The following GPC5 variants were observed in gnomAD, a reference collection of about 807,000 sequenced individuals.
The protein encoded by GPC5 is glypican 5, also known as glypican-5.
Under a neutral mutation model 53.9 loss-of-function variants are expected in GPC5, and 47 were observed. The observed-to-expected ratio is 0.87, with a 90% CI of 0.69 to 1.11. The LOEUF (loss-of-function observed/expected upper bound fraction) is 1.11, where lower values mean the gene tolerates loss of function less well. Ranked by LOEUF, GPC5 falls within the 50% of genes most tolerant of loss-of-function variation. The pLI is 0.00. For missense variants in GPC5, 748 were observed against 713.1 expected, an observed-to-expected ratio of 1.05 and a Z score of -0.56; for synonymous variants, 286 against 263.3, an observed-to-expected ratio of 1.09 and a Z score of -0.84.
intron 7 of GPC5, among the ~76,000 whole-genome samples, chr13:92,458,877 G>A (rs1296258683): frequency 1.3e-5 from 2 of 152,132 alleles, no homozygotes; most frequent in Non-Finnish European, 2.9e-5. Context: ...TCTACTGGGA[G>A]CTTTCTAAAC....
intron 7 of GPC5, among the ~76,000 whole-genome samples, chr13:92,170,089 C>T (rs985676999): frequency 6.6e-6 from 1 of 151,802 alleles, no homozygotes; most frequent in African/African-American, 2.4e-5. Flanking sequence ...ATATCAGTGG[C>T]ATGCTAAATT....
chr13:92,286,106 C>T (rs139364348), intron 7 of GPC5, among the ~76,000 whole-genome samples: 5 of 152,076 alleles, frequency 3.3e-5, no homozygotes, highest in African/African-American at 9.7e-5. Context: ...AAAAGAAGAC[C>T]TTTATGCAGC....
chr13:92,682,397 A>G (rs1887138538), intron 7 of GPC5, among the ~76,000 whole-genome samples: 2 of 152,310 alleles, frequency 1.3e-5, no homozygotes, highest in African/African-American at 4.8e-5. Context: ...CTATTTCTTC[A>G]TAAGTGGTTA....
intron 7 of GPC5, among the ~76,000 whole-genome samples, chr13:92,632,729 C>T (rs1410812715): frequency 3.3e-5 from 5 of 151,858 alleles, no homozygotes; most frequent in African/African-American, 4.8e-5. Context: ...CTGAGACTGG[C>T]CAATTTACAA....
At chr13:92,055,087 C>G (rs942781828) in intron 6 of GPC5, among the ~76,000 whole-genome samples, 1 of 152,118 alleles carries the variant, frequency 6.6e-6, no homozygotes, top group African/African-American at 2.4e-5. Context: ...ATACTTACAT[C>G]CTTCCTGACA....
intron 2 of GPC5, among the ~76,000 whole-genome samples, chr13:91,478,973 C>T (rs1475845159): frequency 6.8e-6 from 1 of 146,886 alleles, no homozygotes; most frequent in African/African-American, 2.5e-5. Context: ...GAGTGCAGTG[C>T]ACCATCTTGG....
chr13:92,755,137 C>T (rs1342811695), intron 7 of GPC5, among the ~76,000 whole-genome samples: 1 of 145,968 alleles, frequency 6.9e-6, no homozygotes, highest in Non-Finnish European at 1.5e-5. Context: ...ATCTCTCAGA[C>T]CACAGTGCAA....
At chr13:91,935,551 AT>A (rs529359215) in intron 6 of GPC5, among the ~76,000 whole-genome samples, 1 of 151,834 alleles carries the variant, frequency 6.6e-6, no homozygotes, top group East Asian at 1.9e-4. Flanking sequence ...AAGAAATGAT[AT>A]TTTTTGTGGT....
intron 6 of GPC5, among the ~76,000 whole-genome samples, chr13:91,924,128 A>G (rs940014352): frequency 6.6e-6 from 1 of 152,202 alleles, no homozygotes; most frequent in African/African-American, 2.4e-5. Flanking sequence ...AAAATATTTG[A>G]TGTGCACTCT....
At chr13:91,602,189 C>A (rs1000638636) in intron 2 of GPC5, among the ~76,000 whole-genome samples, 13 of 152,218 alleles carry the variant, frequency 8.5e-5, no homozygotes, top group African/African-American at 2.9e-4. Flanking sequence ...CCGTTCCGGG[C>A]TTTGCGAGCA....
At chr13:92,684,294 G>A (rs529393373) in intron 7 of GPC5, among the ~76,000 whole-genome samples, 135 of 150,224 alleles carry the variant, frequency 9.0e-4, no homozygotes, top group African/African-American at 2.8e-3. Flanking sequence ...TTTTTGAGAC[G>A]GAGTCTTGCT....
intron 6 of GPC5, among the ~76,000 whole-genome samples, chr13:92,033,191 GT>G (rs1378433995): frequency 1.3e-5 from 2 of 152,048 alleles, no homozygotes; most frequent in Admixed American, 6.6e-5. Context: ...AGTAAATAGA[GT>G]ATTTGATTTT....
At chr13:91,944,339 G>T (rs181546411) in intron 6 of GPC5, among the ~76,000 whole-genome samples, 11 of 152,110 alleles carry the variant, frequency 7.2e-5, no homozygotes, top group Admixed American at 6.5e-4. Flanking sequence ...CTCGCGATCC[G>T]CCCGCTTCAG....
At chr13:92,169,436 T>A (rs1351110215) in intron 7 of GPC5, among the ~76,000 whole-genome samples, 2 of 152,314 alleles carry the variant, frequency 1.3e-5, no homozygotes, top group East Asian at 1.9e-4. Context: ...AGAACATTGT[T>A]TTTCTCAGAA....
At chr13:92,767,457 C>T (rs1184948082) in intron 7 of GPC5, among the ~76,000 whole-genome samples, 2 of 152,058 alleles carry the variant, frequency 1.3e-5, no homozygotes, top group Non-Finnish European at 2.9e-5. Flanking sequence ...GGCGACATAG[C>T]AAGACTGTCC....
At chr13:92,415,177 G>A (rs568591131) in intron 7 of GPC5, among the ~76,000 whole-genome samples, 149 of 152,252 alleles carry the variant, frequency 9.8e-4, no homozygotes, top group African/African-American at 3.3e-3. Flanking sequence ...TTGACAACAT[G>A]TTCATAACTT....
chr13:92,094,896 C>T (rs913536221), intron 6 of GPC5, among the ~76,000 whole-genome samples: 2 of 151,776 alleles, frequency 1.3e-5, no homozygotes, highest in Non-Finnish European at 2.9e-5. Flanking sequence ...TCTCTCTCTT[C>T]GTGTTTTATT....
chr13:91,471,553 T>C (rs1224612691), intron 2 of GPC5, among the ~76,000 whole-genome samples: 1 of 152,124 alleles, frequency 6.6e-6, no homozygotes, highest in African/African-American at 2.4e-5. Flanking sequence ...TGGTATTTCA[T>C]TTTCTCATGC....
intron 7 of GPC5, among the ~76,000 whole-genome samples, chr13:92,468,654 C>T (rs573299304): frequency 2.6e-4 from 39 of 152,188 alleles, no homozygotes; most frequent in African/African-American, 9.1e-4. Flanking sequence ...CACGTTTTTG[C>T]ATACATAGGA....
Sources: allele counts gnomAD v4.1 joint callset (sites outside exome capture counted in the v4.1 genomes callset), GRCh38; gene constraint gnomAD v4.1.1; transcripts MANE v1.5; gene names NCBI Gene and HGNC (gene_info 2026-07-23, HGNC 2026-07-21).